Variants in GALNT13 observed in about 807,000 individuals in gnomAD.
The protein encoded by GALNT13 is UDP-GalNAc:polypeptide N-acetylgalactosaminyltransferase 13.
A neutral mutation model predicts 64.2 loss-of-function variants in GALNT13; 28 were observed. The observed-to-expected ratio is 0.44, with a 90% CI of 0.32 to 0.60. The LOEUF (loss-of-function observed/expected upper bound fraction) is 0.60, where lower values mean the gene tolerates loss of function less well. GALNT13 is among the 20% of genes least tolerant of loss of function. The pLI is 0.05. For synonymous variants in GALNT13, 214 were observed against 224.6 expected (o/e 0.95, Z 0.42); for missense variants, 577 against 669.8 (o/e 0.86, Z 1.53).
At chr2:153,251,503 G>T in the GALNT13 span, among the ~76,000 whole-genome samples, 4 of 151,836 alleles carry the variant, frequency 2.6e-5, no homozygotes, top group African/African-American at 9.7e-5. Context: ...AAGTTTTAGA[G>T]TACATGTGCA....
At chr2:154,340,051 G>A (rs1393332534) in intron 9 of GALNT13, among the ~76,000 whole-genome samples, 1 of 152,118 alleles carries the variant, frequency 6.6e-6, no homozygotes, top group Non-Finnish European at 1.5e-5. Flanking sequence ...CAAAATGGTA[G>A]AATGGAAAGA....
At chr2:153,561,664 TG>T in the GALNT13 span, among the ~76,000 whole-genome samples, 5 of 151,646 alleles carry the variant, frequency 3.3e-5, no homozygotes, top group East Asian at 9.8e-4. Flanking sequence ...TGTGTGTGTG[TG>T]TGTGGTGTGT....
chr2:154,249,896 GATCAAATAA>G (rs1689980718), intron 7 of GALNT13, among the ~76,000 whole-genome samples: 1 of 151,960 alleles, frequency 6.6e-6, no homozygotes, highest in Non-Finnish European at 1.5e-5. Flanking sequence ...AGTTTATGAA[GATCAAATAA>G]ATCAAATAAC....
At chr2:153,262,630 T>A in the GALNT13 span, among the ~76,000 whole-genome samples, 1 of 152,204 alleles carries the variant, frequency 6.6e-6, no homozygotes, top group African/African-American at 2.4e-5. Flanking sequence ...ATCCCTGGAA[T>A]GCAAAGCTAG....
At chr2:154,271,882 G>A (rs950244557) in intron 8 of GALNT13, among the ~76,000 whole-genome samples, 1 of 151,792 alleles carries the variant, frequency 6.6e-6, no homozygotes, top group Admixed American at 6.6e-5. Context: ...AAATTTTACA[G>A]TATTAGATGT....
At chr2:154,215,121 A>T (rs540480353) in intron 4 of GALNT13, among the ~76,000 whole-genome samples, 1 of 152,228 alleles carries the variant, frequency 6.6e-6, no homozygotes, top group Non-Finnish European at 1.5e-5. Flanking sequence ...GAAGACAGGC[A>T]CTTGACAGCA....
intron 6 of GALNT13, among the ~76,000 whole-genome samples, chr2:154,245,472 A>T (rs1689730434): frequency 6.6e-6 from 1 of 152,170 alleles, no homozygotes; most frequent in Non-Finnish European, 1.5e-5. Context: ...TTTTCAATGG[A>T]TTATAGCTAA....
the GALNT13 span, among the ~76,000 whole-genome samples, chr2:153,769,369 G>T: frequency 6.6e-6 from 1 of 152,064 alleles, no homozygotes; most frequent in Non-Finnish European, 1.5e-5. Context: ...AAAGCTGTTG[G>T]CTAGCTTCCC....
At chr2:153,308,687 A>G in the GALNT13 span, among the ~76,000 whole-genome samples, 198 of 152,306 alleles carry the variant, frequency 1.3e-3, 6 homozygotes, top group East Asian at 0.036. Context: ...TGGCTCTCAG[A>G]TAAGTGTTGA....
the GALNT13 span, among the ~76,000 whole-genome samples, chr2:153,606,845 GCT>G: frequency 2.0e-5 from 3 of 149,622 alleles, no homozygotes; most frequent in African/African-American, 7.4e-5. Flanking sequence ...TTCCCTAAAA[GCT>G]CTGTGTCATG....
At chr2:154,111,922 T>C (rs186648634) in intron 3 of GALNT13, among the ~76,000 whole-genome samples, 2 of 152,318 alleles carry the variant, frequency 1.3e-5, no homozygotes, top group South Asian at 2.1e-4. Context: ...ACTGCCACAA[T>C]TTTTTAGGCA....
chr2:153,462,300 ATCAT>A, the GALNT13 span, among the ~76,000 whole-genome samples: 4 of 152,122 alleles, frequency 2.6e-5, no homozygotes, highest in East Asian at 1.9e-4. Context: ...AACTACAGTA[ATCAT>A]TCATATTTTC....
At chr2:153,970,840 G>A (rs1693688291) in intron 3 of GALNT13, among the ~76,000 whole-genome samples, 1 of 152,032 alleles carries the variant, frequency 6.6e-6, no homozygotes, top group Non-Finnish European at 1.5e-5. Context: ...CATCCTGTTT[G>A]CATTATTATA....
At chr2:153,639,011 G>A in the GALNT13 span, among the ~76,000 whole-genome samples, 1 of 151,860 alleles carries the variant, frequency 6.6e-6, no homozygotes, top group African/African-American at 2.4e-5. Context: ...CAGTTGCATA[G>A]GTCTAGATAA....
the GALNT13 span, among the ~76,000 whole-genome samples, chr2:153,141,047 A>C: frequency 7.1e-6 from 1 of 141,230 alleles, no homozygotes; most frequent in Non-Finnish European, 1.6e-5. Flanking sequence ...CCCCTGTCAA[A>C]GAGAACCATT....
chr2:153,224,082 A>G, the GALNT13 span, among the ~76,000 whole-genome samples: 4 of 152,234 alleles, frequency 2.6e-5, no homozygotes, highest in Non-Finnish European at 5.9e-5. Context: ...TTCAAAATGA[A>G]TAACCTAGAC....
chr2:154,149,507 T>A (rs1194911918), intron 4 of GALNT13, among the ~76,000 whole-genome samples: 1 of 152,340 alleles, frequency 6.6e-6, no homozygotes, highest in East Asian at 1.9e-4. Context: ...AATCTATAAA[T>A]TACCTTGGGC....
the GALNT13 span, among the ~76,000 whole-genome samples, chr2:153,564,222 T>A: frequency 1.3e-5 from 2 of 151,990 alleles, no homozygotes; most frequent in African/African-American, 4.8e-5. Context: ...CTATTCTTCT[T>A]GTTTAATGAA....
the GALNT13 span, among the ~76,000 whole-genome samples, chr2:153,839,143 G>A: frequency 3.4e-3 from 510 of 151,762 alleles, 5 homozygotes; most frequent in African/African-American, 0.011. Context: ...GAATTTGTTC[G>A]TTCTAACAAT....
Sources: allele counts gnomAD v4.1 joint callset (sites outside exome capture counted in the v4.1 genomes callset), GRCh38; gene constraint gnomAD v4.1.1; transcripts MANE v1.5; gene names NCBI Gene and HGNC (gene_info 2026-07-23, HGNC 2026-07-21).